SDCCAG8: variants seen among roughly 807,000 people sequenced by gnomAD.
SDCCAG8 encodes SHH signaling and ciliogenesis regulator SDCCAG8.
Under a neutral mutation model 101.8 loss-of-function variants are expected in SDCCAG8, and 74 were observed. The observed-to-expected ratio is 0.73, with a 90% CI of 0.60 to 0.88. The LOEUF is 0.88. Ranked by LOEUF, SDCCAG8 falls within the 40% of genes least tolerant of loss-of-function variation. The pLI, the probability that SDCCAG8 is intolerant of heterozygous loss-of-function variation, is 0.00. For missense variants in SDCCAG8, 787 were observed against 822.6 expected, an observed-to-expected ratio of 0.96 and a Z score of 0.53; for synonymous variants, 281 against 292.9, an observed-to-expected ratio of 0.96 and a Z score of 0.41.
intron 10 of SDCCAG8, among the ~76,000 whole-genome samples, chr1:243,338,122 A>C (rs372072812): frequency 1.3e-5 from 2 of 151,484 alleles, no homozygotes; most frequent in African/African-American, 4.8e-5. Flanking sequence ...GGGTCTCATT[A>C]TGTTGCCCAG....
chr1:243,307,692 G>A, intron 7 of SDCCAG8: 1 of 1,307,134 alleles, frequency 7.7e-7, no homozygotes, highest in Non-Finnish European at 9.7e-7. Flanking sequence ...CATTAATGGA[G>A]GTTGGATCCT....
At chr1:243,323,712 A>G (rs961829234) in intron 9 of SDCCAG8, among the ~76,000 whole-genome samples, 3 of 152,172 alleles carry the variant, frequency 2.0e-5, no homozygotes, top group Non-Finnish European at 4.4e-5. Context: ...AACAAACTGT[A>G]GCCTGATTTT....
intron 16 of SDCCAG8, among the ~76,000 whole-genome samples, chr1:243,471,592 G>C (rs1262691013): frequency 6.6e-6 from 1 of 152,094 alleles, no homozygotes; most frequent in Non-Finnish European, 1.5e-5. Flanking sequence ...TTTCGGAGGA[G>C]GCTGCCCTGC....
chr1:243,454,907 C>T (rs72759884), intron 16 of SDCCAG8, among the ~76,000 whole-genome samples: 15,145 of 152,000 alleles, frequency 0.1, 879 homozygotes, highest in Non-Finnish European at 0.14. Flanking sequence ...TTCCCAGATA[C>T]GGTGGGAATA....
chr1:243,276,696 C>T (rs182383171), intron 4 of SDCCAG8, among the ~76,000 whole-genome samples: 9 of 152,094 alleles, frequency 5.9e-5, no homozygotes, highest in Non-Finnish European at 1.2e-4. Flanking sequence ...ATACATTCTA[C>T]GAATTTGACA....
At chr1:243,311,083 A>AT (rs2072673719) in intron 8 of SDCCAG8, among the ~76,000 whole-genome samples, 1 of 1,470 alleles carries the variant, frequency 6.8e-4, no homozygotes, top group African/African-American at 7.2e-4. Context: ...TACCCTCAAG[A>AT]AAAAACTCAA....
chr1:243,436,952 T>C (rs988677076), intron 16 of SDCCAG8, among the ~76,000 whole-genome samples: 1 of 152,162 alleles, frequency 6.6e-6, no homozygotes, highest in Non-Finnish European at 1.5e-5. Flanking sequence ...GGAAAAAAGG[T>C]ACATTTCAGT....
In SDCCAG8 at chr1:243,458,802, T is replaced by A. The variant is rs889274426; in HGVS notation, c.1986-30212T>A. The stretch of plus-strand genomic sequence containing the variant: ...GATATGGCATTGTTTTATATTCCCA[T>A]TGTCAGTGATCTCTAAACGGCATTC... On this transcript the variant is annotated intron_variant, in intron 16 of 17. Coordinates refer to ENST00000366541, the MANE Select transcript of SDCCAG8 (RefSeq NM_006642.5). The surrounding 1 kb of genome is among the most constrained non-coding windows in gnomAD (Gnocchi z 4.5). 6.6e-6 allele frequency among the ~76,000 whole-genome samples: 1 copy of A among 152,232 alleles called. No individual in the cohort carries two copies.
intron 9 of SDCCAG8, among the ~76,000 whole-genome samples, chr1:243,319,184 C>T (rs1201781419): frequency 6.6e-6 from 1 of 151,968 alleles, no homozygotes; most frequent in Admixed American, 6.6e-5. Flanking sequence ...ACCCCCATGA[C>T]CCAAACACCT....
rs1558439635 is a variant in SDCCAG8, at chr1:243,418,013, CAAAGTT to C, written c.1795_1800del (p.Leu599_Lys600del). 1.2e-6 allele frequency: 2 copies of C among 1,612,856 alleles called. No individual in the cohort carries two copies. The highest frequency in any genetic ancestry group is 1.1e-5 in the South Asian group (1 of 91,066). ...CTGACCTCCCAGAATACATTTTTGA[CAAAGTT>C]AAAGGAAGAATGCTGTACATTAGCC... On this transcript the variant is annotated inframe_deletion, in exon 15 of 18. Coordinates refer to ENST00000366541, the MANE Select transcript of SDCCAG8 (RefSeq NM_006642.5).
chr1:243,488,458 C>A, intron 16 of SDCCAG8: 3 of 168,872 alleles, frequency 1.8e-5, no homozygotes, highest in South Asian at 1.5e-4. Context: ...CGACTGTGGA[C>A]AGATGAGGAT....
chr1:243,256,204 G>C lies in SDCCAG8; in HGVS notation c.31G>C (p.Glu11Gln), dbSNP rs773442925. The change falls in exon 1 of 18, where the codon GAG (glutamate) becomes CAG (glutamine). Residue 11 changes from glutamate to glutamine, a missense_variant. Coordinates refer to ENST00000366541, the MANE Select transcript of SDCCAG8 (RefSeq NM_006642.5). Reference sequence around the variant, plus strand: ...GAAGTCCCCGGAGAACTCTACCCTGGAGGAGATTCTGGGGCAGTATCAACG... The same window carrying C: ...GAAGTCCCCGGAGAACTCTACCCTGCAGGAGATTCTGGGGCAGTATCAACG... MAKSPENSTL[E>Q]EILGQYQRSL... 6.2e-7 allele frequency: 1 copy of C among 1,614,206 alleles called. No homozygotes were observed. The highest frequency in any genetic ancestry group is 1.7e-5 in the Admixed American group (1 of 60,032).
intron 16 of SDCCAG8, among the ~76,000 whole-genome samples, chr1:243,480,035 A>T (rs186563729): frequency 1.3e-3 from 202 of 151,764 alleles, no homozygotes; most frequent in Admixed American, 2.7e-3. Context: ...GGCTTAAGGT[A>T]AAATAGCTAG....
chr1:243,448,720 C>T (rs936404942), intron 16 of SDCCAG8, among the ~76,000 whole-genome samples: 1 of 138,294 alleles, frequency 7.2e-6, no homozygotes, highest in Non-Finnish European at 1.5e-5. Context: ...TATAATTATT[C>T]TTTGACTGTC....
exon 18 of SDCCAG8, chr1:243,500,089 A>AGACTT (rs577416381): frequency 3.4e-3 from 1,392 of 414,442 alleles, 11 homozygotes; most frequent in South Asian, 0.012. Context: ...AACTTTTTAA[A>AGACTT]GACTTGAGTT....
intron 16 of SDCCAG8, among the ~76,000 whole-genome samples, chr1:243,451,786 A>T (rs2083374344): frequency 6.6e-6 from 1 of 152,118 alleles, no homozygotes; most frequent in Non-Finnish European, 1.5e-5. Flanking sequence ...AAAACCAGCC[A>T]GGCTTGGTGG....
At position 243,350,366 on chromosome 1, in the gene SDCCAG8, C is replaced by A. The variant is rs1371577946; in HGVS notation, c.1473+6035C>A. 2.0e-5 allele frequency among the ~76,000 whole-genome samples: 3 copies of A among 152,078 alleles called. No homozygotes were observed. The East Asian group carries it at 5.8e-4, about 29-fold the overall frequency. On this transcript the variant is annotated intron_variant, in intron 12 of 17. Coordinates refer to ENST00000366541, the MANE Select transcript of SDCCAG8 (RefSeq NM_006642.5). The stretch of plus-strand genomic sequence containing the variant: ...TGGGACTATGGGAGCACGCCACCAC[C>A]CCCAGCTATTTTGTTGTTGTTGTTG...
At chr1:243,275,436 G>A (rs972779717) in intron 4 of SDCCAG8, among the ~76,000 whole-genome samples, 3 of 152,026 alleles carry the variant, frequency 2.0e-5, no homozygotes, top group Non-Finnish European at 4.4e-5. Context: ...ATTTTAAGAT[G>A]CAAGGCCAGT....
chr1:243,265,689 T>G (rs1292172622), intron 1 of SDCCAG8, among the ~76,000 whole-genome samples: 3 of 152,096 alleles, frequency 2.0e-5, no homozygotes, highest in Non-Finnish European at 1.5e-5. Flanking sequence ...GGCGCATGCC[T>G]GTAATCCCAG....
Sources: gnomAD v4.1 joint callset for allele counts (sites outside exome capture counted in the v4.1 genomes callset) on GRCh38, gnomAD v4.1.1 for gene constraint, Gnocchi (gnomAD v3.1) non-coding constraint, MANE v1.5 for transcripts, NCBI Gene and HGNC (gene_info 2026-07-23, HGNC 2026-07-21) for gene names.